The following NTM variants were observed in gnomAD, a reference collection of about 807,000 sequenced individuals.
NTM encodes neurotrimin, also known as IgLON family member 2.
Under a neutral mutation model 42.1 loss-of-function variants are expected in NTM, and 13 were observed. The ratio of observed to expected loss-of-function variants is 0.31; its 90% CI spans 0.20 to 0.49. The LOEUF (loss-of-function observed/expected upper bound fraction) is 0.49. Ranked by LOEUF, NTM falls within the 20% of genes least tolerant of loss-of-function variation. NTM has a pLI of 0.99. For missense variants in NTM, 373 were observed against 452.8 expected (o/e 0.82, Z 1.60); for synonymous variants, 187 against 179.2 (o/e 1.04, Z -0.35).
intron 1 of NTM, among the ~76,000 whole-genome samples, chr11:131,376,739 C>T (rs1942027585): frequency 1.3e-5 from 2 of 150,574 alleles, no homozygotes; most frequent in Admixed American, 1.3e-4. Flanking sequence ...CAAAAGACTG[C>T]TGGTTTTGGC....
rs1950851076 is a variant in NTM at position 131,455,960 on chromosome 11, TA to T, written c.82+85077del. ...AACAAAGAGAAAGTTGGAAGTTTTA[TA>T]AAAAGGAGAAATGTTATTCATTGTT... On this transcript the variant is annotated intron_variant, in intron 1 of 8. Transcript: ENST00000683400. Among the ~76,000 whole-genome samples, 3 of 152,350 alleles carry T rather than the reference TA, an allele frequency of 2.0e-5. No individual in the cohort carries two copies. The South Asian group carries it at 6.2e-4, about 32-fold the overall frequency.
chr11:132,167,005 G>A (rs1189838532), intron 3 of NTM, among the ~76,000 whole-genome samples: 1 of 152,134 alleles, frequency 6.6e-6, no homozygotes. Context: ...AGTTAGACCT[G>A]ACTTTCCTCC....
intron 1 of NTM, among the ~76,000 whole-genome samples, chr11:131,740,171 C>G (rs1474902165): frequency 6.6e-6 from 1 of 152,166 alleles, no homozygotes; most frequent in Non-Finnish European, 1.5e-5. Flanking sequence ...AAAGCATGGG[C>G]TACGTTGTAA....
At chr11:132,108,221 C>G (rs1182551333) in intron 2 of NTM, among the ~76,000 whole-genome samples, 2 of 152,200 alleles carry the variant, frequency 1.3e-5, no homozygotes, top group East Asian at 3.8e-4. Flanking sequence ...ACCTTTACCT[C>G]TATTTCAACA....
intron 4 of NTM, among the ~76,000 whole-genome samples, chr11:132,238,676 C>G (rs542431676): frequency 1.3e-5 from 2 of 152,246 alleles, no homozygotes; most frequent in South Asian, 4.1e-4. Context: ...TTAGGTGAAA[C>G]GCAGCTGGAG....
chr11:131,545,962 C>T (rs1457434573), intron 1 of NTM, among the ~76,000 whole-genome samples: 1 of 152,154 alleles, frequency 6.6e-6, no homozygotes, highest in Non-Finnish European at 1.5e-5. Context: ...CAGAACCCAG[C>T]TGTTTATGGG....
chr11:132,140,183 A>G (rs143435505), intron 2 of NTM, among the ~76,000 whole-genome samples: 1 of 152,300 alleles, frequency 6.6e-6, no homozygotes, highest in Non-Finnish European at 1.5e-5. Context: ...CAGAGCTGGG[A>G]CATTCCTTGT....
chr11:131,594,887 C>T (rs1457738981), intron 1 of NTM, among the ~76,000 whole-genome samples: 1 of 152,166 alleles, frequency 6.6e-6, no homozygotes, highest in Non-Finnish European at 1.5e-5. Flanking sequence ...CTCCTCTCTT[C>T]CTCACATCCC....
At chr11:131,714,345 T>C (rs1367509924) in intron 1 of NTM, among the ~76,000 whole-genome samples, 1 of 152,040 alleles carries the variant, frequency 6.6e-6, no homozygotes, top group Non-Finnish European at 1.5e-5. Context: ...TGCACTACCA[T>C]GCCTGGCTAA....
At chr11:131,803,355 CTGGAGTACAG>C (rs1224461378) in intron 1 of NTM, among the ~76,000 whole-genome samples, 1 of 151,480 alleles carries the variant, frequency 6.6e-6, no homozygotes, top group Non-Finnish European at 1.5e-5. Context: ...GGCTGGAGTG[CTGGAGTACAG>C]TGGTGCAATC....
chr11:131,619,457 T>C (rs2062295293), intron 1 of NTM, among the ~76,000 whole-genome samples: 1 of 152,160 alleles, frequency 6.6e-6, no homozygotes. Context: ...TGAGCAACTC[T>C]TTTGCAGTAG....
At chr11:132,013,660 T>C (rs1455195782) in intron 2 of NTM, among the ~76,000 whole-genome samples, 2 of 152,192 alleles carry the variant, frequency 1.3e-5, no homozygotes, top group Non-Finnish European at 2.9e-5. Context: ...CAGCTCACTA[T>C]TTCATTTGTA....
In NTM at chr11:131,827,156, G is replaced by C. The variant is rs567967813; in HGVS notation, c.83-84408G>C. On this transcript the variant is annotated intron_variant, in intron 1 of 8. Transcript: ENST00000683400. The stretch of plus-strand genomic sequence containing the variant: ...CATTACCCTAAAGTCTATTTGGAAA[G>C]GGGAAAATAAATAGAAAACAAAATC... Among the ~76,000 whole-genome samples the C allele has an allele frequency of 1.9e-4, 29 of 152,208 alleles. 1 individual carries two copies. Among genetic ancestry groups the C allele is most frequent in the African/African-American group, 7.0e-4 (29 of 41,522 alleles).
intron 1 of NTM, among the ~76,000 whole-genome samples, chr11:131,561,160 G>A (rs551996699): frequency 2.6e-5 from 4 of 152,160 alleles, no homozygotes; most frequent in Admixed American, 6.5e-5. Context: ...AGCATTTGGC[G>A]CTTCCATTCA....
intron 2 of NTM, among the ~76,000 whole-genome samples, chr11:132,014,742 T>TG (rs1555218985): frequency 6.9e-6 from 1 of 143,908 alleles, no homozygotes; most frequent in African/African-American, 2.6e-5. Flanking sequence ...ACTTGTTTTT[T>TG]TTTTTTTTTT....
chr11:131,435,412 C>T (rs945819702), intron 1 of NTM, among the ~76,000 whole-genome samples: 2 of 152,154 alleles, frequency 1.3e-5, no homozygotes, highest in East Asian at 1.9e-4. Flanking sequence ...TTGATTCTTC[C>T]TATCCATGAG....
chr11:132,138,615 T>TATCTATCTATCTATCTATCTATCTATC lies in NTM; in HGVS notation c.168-7661_168-7660insCTATCTATCTATCTATCTATCATCTAT, dbSNP rs1555280056. On this transcript the variant is annotated intron_variant, in intron 2 of 8. Coordinates refer to ENST00000683400, the MANE Select transcript of NTM (RefSeq NM_001352005.2). ...CTATCTATCTATCTATCTATCTATCTATCTATTCTAATCTATCGAGAGACT... is the reference window on the plus strand; with the variant it reads ...CTATCTATCTATCTATCTATCTATCTATCTATCTATCTATCTATCTATCTATCATCTATTCTAATCTATCGAGAGACT... Among the ~76,000 whole-genome samples the TATCTATCTATCTATCTATCTATCTATC allele has an allele frequency of 3.7e-3, 410 of 110,154 alleles. 2 individuals are homozygous for TATCTATCTATCTATCTATCTATCTATC. Among genetic ancestry groups the TATCTATCTATCTATCTATCTATCTATC allele is most frequent in the Non-Finnish European group, 5.3e-3 (248 of 46,784 alleles). The allele number at this position is 110,154 out of a possible 152,430, so 72.3% of individuals were successfully genotyped here. A position where few individuals can be genotyped will look rare whatever the true frequency, so the allele number is the denominator to read the frequency against.
chr11:131,910,138 G>C (rs986889664), intron 1 of NTM: 1 of 152,206 alleles, frequency 6.6e-6, no homozygotes, highest in African/African-American at 2.4e-5. Flanking sequence ...GCAGCTTTGT[G>C]GGGGGCTGCT....
At chr11:132,021,259 A>G (rs1255063795) in intron 2 of NTM, among the ~76,000 whole-genome samples, 3 of 152,066 alleles carry the variant, frequency 2.0e-5, no homozygotes, top group African/African-American at 4.8e-5. Flanking sequence ...GACTCTCTAC[A>G]TATGGATTTT....
Sources: gnomAD v4.1 joint callset for allele counts (sites outside exome capture counted in the v4.1 genomes callset) on GRCh38, gnomAD v4.1.1 for gene constraint, MANE v1.5 for transcripts, NCBI Gene and HGNC (gene_info 2026-07-23, HGNC 2026-07-21) for gene names.